Variants in MEIS2 observed in about 807,000 individuals in gnomAD.
The protein encoded by MEIS2 is homeobox protein Meis2.
Under a neutral mutation model 58.6 loss-of-function variants are expected in MEIS2, and 9 were observed. The observed-to-expected ratio is 0.15, with a 90% CI of 0.09 to 0.27. The LOEUF is 0.27. Ranked by LOEUF, MEIS2 falls within the 10% of genes least tolerant of loss-of-function variation. The pLI, the probability that MEIS2 is intolerant of heterozygous loss-of-function variation, is 1.00. For missense variants in MEIS2, 427 were observed against 635.0 expected, an observed-to-expected ratio of 0.67 and a Z score of 3.52; for synonymous variants, 221 against 228.4, an observed-to-expected ratio of 0.97 and a Z score of 0.29.
At chr15:37,054,179 G>A (rs2063037727) in intron 7 of MEIS2, among the ~76,000 whole-genome samples, 1 of 152,152 alleles carries the variant, frequency 6.6e-6, no homozygotes, top group Non-Finnish European at 1.5e-5. Flanking sequence ...ATTGTAATAA[G>A]GCTTTTCTTT....
chr15:37,007,821 A>G (rs2060977621), intron 8 of MEIS2, among the ~76,000 whole-genome samples: 1 of 152,208 alleles, frequency 6.6e-6, no homozygotes, highest in South Asian at 2.1e-4. Flanking sequence ...GGCAGTTGGT[A>G]TTTTTGATAA....
At chr15:37,016,201 C>T (rs2061344982) in intron 8 of MEIS2, among the ~76,000 whole-genome samples, 1 of 152,174 alleles carries the variant, frequency 6.6e-6, no homozygotes, top group South Asian at 2.1e-4. Flanking sequence ...GCCTCATGTT[C>T]AGTTTTCAAA....
At chr15:36,912,124 T>A (rs2057057291) in intron 9 of MEIS2, among the ~76,000 whole-genome samples, 2 of 151,828 alleles carry the variant, frequency 1.3e-5, no homozygotes, top group Admixed American at 1.3e-4. Context: ...GGGTGGAAAT[T>A]AAACCCCAAT....
intron 8 of MEIS2, among the ~76,000 whole-genome samples, chr15:36,992,489 T>A (rs919843908): frequency 6.6e-6 from 1 of 152,138 alleles, no homozygotes. Context: ...TTGAAAGAAA[T>A]AATAAAATTA....
chr15:36,991,773 T>TC (rs1368656834), intron 8 of MEIS2, among the ~76,000 whole-genome samples: 2 of 112,942 alleles, frequency 1.8e-5, no homozygotes, highest in African/African-American at 3.3e-5. Flanking sequence ...TTAATTTTCT[T>TC]TTTTTTTTTC....
chr15:36,896,730 T>C (rs1431569633), intron 9 of MEIS2, 44 bp from the exon 10 acceptor site: 4 of 1,525,270 alleles, frequency 2.6e-6, no homozygotes, highest in Admixed American at 1.7e-5. Flanking sequence ...TCCGTTTCTG[T>C]ACTCTGCGAA....
chr15:36,971,554 A>AAAAAAAAAAAAAAAAAAAG (rs1254069377), intron 8 of MEIS2, among the ~76,000 whole-genome samples: 1 of 144,140 alleles, frequency 6.9e-6, no homozygotes, highest in East Asian at 2.0e-4. Flanking sequence ...AAAAAAAAAA[A>AAAAAAAAAAAAAAAAAAAG]AAAAAAAAAA....
At chr15:36,892,540 A>G (rs2055927890) in intron 11 of MEIS2, 81 bp from the exon 12 acceptor site, 2 of 1,259,692 alleles carry the variant, frequency 1.6e-6, no homozygotes, top group Non-Finnish European at 2.2e-6. Flanking sequence ...GAAAAGAAAA[A>G]AAAAAAAAAA....
chr15:37,058,395 C>T (rs1484488515), intron 7 of MEIS2, among the ~76,000 whole-genome samples: 1 of 152,208 alleles, frequency 6.6e-6, no homozygotes, highest in Non-Finnish European at 1.5e-5. Context: ...TCTGATACTA[C>T]AGTCAAAGCG....
intron 9 of MEIS2, among the ~76,000 whole-genome samples, chr15:36,936,563 G>T (rs1202265644): frequency 6.6e-6 from 1 of 152,192 alleles, no homozygotes; most frequent in African/African-American, 2.4e-5. Context: ...AGTTTTGGTA[G>T]AGGAATGTGT....
intron 9 of MEIS2, among the ~76,000 whole-genome samples, chr15:36,948,351 C>T (rs1230900379): frequency 6.6e-6 from 1 of 151,878 alleles, no homozygotes; most frequent in Non-Finnish European, 1.5e-5. Flanking sequence ...GAAGGGTGTT[C>T]TTTCCAGTTC....
At chr15:36,949,042 A>AG (rs1750683819) in intron 9 of MEIS2, among the ~76,000 whole-genome samples, 1 of 151,992 alleles carries the variant, frequency 6.6e-6, no homozygotes, top group Non-Finnish European at 1.5e-5. Flanking sequence ...CTGCTTCTGT[A>AG]GGTAGGCACA....
intron 7 of MEIS2, among the ~76,000 whole-genome samples, chr15:37,082,651 G>T (rs1212826892): frequency 6.6e-6 from 1 of 152,046 alleles, no homozygotes; most frequent in Admixed American, 6.6e-5. Context: ...TCCATAATTT[G>T]CCGTCTGATA....
At chr15:36,986,647 CT>C (rs1834247835) in intron 8 of MEIS2, among the ~76,000 whole-genome samples, 1 of 152,192 alleles carries the variant, frequency 6.6e-6, no homozygotes, top group Admixed American at 6.5e-5. Flanking sequence ...AGCTGGGTGG[CT>C]TCCTTTCTCA....
chr15:37,007,185 T>C lies in MEIS2; in HGVS notation c.900+29629A>G, dbSNP rs182687936. Among the ~76,000 whole-genome samples, 765 of 152,298 alleles carry C rather than the reference T, an allele frequency of 5.0e-3. 4 individuals carry two copies. Among genetic ancestry groups the C allele is most frequent in the Non-Finnish European group, 8.6e-3 (584 of 68,012 alleles). Reference sequence around the variant, plus strand: ...TTTCCTTGCCAGTGTGACCAACTTCTGGCCCACATGAAAAGACTTTTGCTA... The same window carrying C: ...TTTCCTTGCCAGTGTGACCAACTTCCGGCCCACATGAAAAGACTTTTGCTA... On this transcript the variant is annotated intron_variant, in intron 8 of 11. Coordinates refer to ENST00000561208, the MANE Select transcript of MEIS2 (RefSeq NM_170675.5).
intron 8 of MEIS2, among the ~76,000 whole-genome samples, chr15:36,962,578 TC>T (rs1459626069): frequency 1.1e-4 from 17 of 152,332 alleles, no homozygotes; most frequent in African/African-American, 3.8e-4. Context: ...GTCTTTTTTT[TC>T]ATGAGTATTT....
At chr15:36,924,012 C>T (rs572290883) in intron 9 of MEIS2, among the ~76,000 whole-genome samples, 103 of 152,344 alleles carry the variant, frequency 6.8e-4, no homozygotes, top group Middle Eastern at 6.8e-3. Flanking sequence ...CTACACAAGA[C>T]ATGCCCTTTA....
intron 8 of MEIS2, among the ~76,000 whole-genome samples, chr15:36,983,116 T>C (rs997421324): frequency 6.6e-6 from 1 of 152,162 alleles, no homozygotes; most frequent in South Asian, 2.1e-4. Flanking sequence ...ACTCTGTTGA[T>C]TGTTTCCTTT....
Position 36,891,165 on chromosome 15 carries a change from A to G in MEIS2, c.*1008T>C, listed in dbSNP as rs2055830620. The G allele has an allele frequency of 6.6e-6, 1 of 152,528 alleles. No individual in the cohort carries two copies. Among genetic ancestry groups the G allele is most frequent in the Non-Finnish European group, 1.5e-5 (1 of 68,022 alleles). 9.4% of individuals were successfully genotyped at this position (152,528 alleles called of 1,614,324 possible). On this transcript the variant is annotated 3_prime_UTR_variant, in exon 12 of 12. Coordinates refer to ENST00000561208, the MANE Select transcript of MEIS2 (RefSeq NM_170675.5). ...AAGGTAACAGCATTTTCTTCTAGTGAGGAACACGTGCTGAGAAAAGAAGAA... is the reference window on the plus strand; with the variant it reads ...AAGGTAACAGCATTTTCTTCTAGTGGGGAACACGTGCTGAGAAAAGAAGAA...
Sources: gnomAD v4.1 joint callset for allele counts (sites outside exome capture counted in the v4.1 genomes callset) on GRCh38, gnomAD v4.1.1 for gene constraint, MANE v1.5 for transcripts, NCBI Gene and HGNC (gene_info 2026-07-23, HGNC 2026-07-21) for gene names.